The following FOXO3 variants were observed in gnomAD, a reference collection of about 807,000 sequenced individuals.
FOXO3 encodes forkhead box protein O3.
In FOXO3, 4 loss-of-function variants were observed where a neutral mutation model predicts 41.9. The ratio of observed to expected loss-of-function variants is 0.10; its 90% CI spans 0.05 to 0.22. The LOEUF (loss-of-function observed/expected upper bound fraction) is 0.22, where lower values mean the gene tolerates loss of function less well. Among genes scored for constraint, FOXO3 ranks in the 10% least tolerant of loss-of-function variants. The pLI is 1.00. For missense variants in FOXO3, 534 were observed against 906.8 expected (o/e 0.59, Z 5.28); for synonymous variants, 318 against 389.3 (o/e 0.82, Z 2.16).
intron 1 of FOXO3, among the ~76,000 whole-genome samples, chr6:108,660,933 G>A (rs915210301): frequency 7.2e-5 from 11 of 152,122 alleles, no homozygotes; most frequent in Admixed American, 2.0e-4. Context: ...GGTGGCGGGT[G>A]CCTGTAGTCC....
At chr6:108,666,536 G>T (rs1321564072) in intron 2 of FOXO3, among the ~76,000 whole-genome samples, 1 of 151,314 alleles carries the variant, frequency 6.6e-6, no homozygotes, top group East Asian at 1.9e-4. Context: ...GTAGAGATGG[G>T]GTTTCACTGT....
At chr6:108,676,898 G>A (rs2128392544) in intron 2 of FOXO3, among the ~76,000 whole-genome samples, 1 of 152,282 alleles carries the variant, frequency 6.6e-6, no homozygotes, top group East Asian at 1.9e-4. Context: ...GGTGATTCTG[G>A]TGTTCCTCTG....
chr6:108,658,765 A>G (rs973549827), intron 1 of FOXO3, among the ~76,000 whole-genome samples: 2 of 152,174 alleles, frequency 1.3e-5, no homozygotes, highest in African/African-American at 4.8e-5. Context: ...TTTAGAATGA[A>G]TGTGATCATG....
intron 2 of FOXO3, among the ~76,000 whole-genome samples, chr6:108,668,865 G>A (rs531542236): frequency 2.7e-4 from 41 of 152,276 alleles, no homozygotes; most frequent in Non-Finnish European, 4.7e-4. Flanking sequence ...AGTGGCTCAC[G>A]CTTGTAATCC....
chr6:108,624,304 AT>A (rs990893386), intron 1 of FOXO3, among the ~76,000 whole-genome samples: 3 of 151,734 alleles, frequency 2.0e-5, no homozygotes, highest in African/African-American at 7.3e-5. Flanking sequence ...TTAAGGTAGA[AT>A]AATGGTTAAA....
intron 1 of FOXO3, among the ~76,000 whole-genome samples, chr6:108,574,008 C>T (rs532823126): frequency 6.6e-6 from 1 of 152,004 alleles, no homozygotes; most frequent in African/African-American, 2.4e-5. Flanking sequence ...AAAAAATTAG[C>T]TGGGCGTGGT....
intron 2 of FOXO3, among the ~76,000 whole-genome samples, chr6:108,668,308 C>A (rs1351733244): frequency 6.6e-6 from 1 of 152,164 alleles, no homozygotes; most frequent in Non-Finnish European, 1.5e-5. Flanking sequence ...TCATTTTAGA[C>A]CACGTGTAGA....
chr6:108,578,904 C>T (rs1459229167), intron 1 of FOXO3, among the ~76,000 whole-genome samples: 3 of 152,122 alleles, frequency 2.0e-5, no homozygotes, highest in Non-Finnish European at 4.4e-5. Context: ...ACCTCTTGCA[C>T]CACAGGTGGA....
At chr6:108,642,875 C>T (rs1369171569) in intron 1 of FOXO3, among the ~76,000 whole-genome samples, 3 of 152,166 alleles carry the variant, frequency 2.0e-5, no homozygotes, top group African/African-American at 7.2e-5. Context: ...TTAGTGGTTC[C>T]ATAAAGTCCA....
At chr6:108,639,401 A>C (rs1191440946) in intron 1 of FOXO3, 1 of 240,434 alleles carries the variant, frequency 4.2e-6, no homozygotes, top group East Asian at 1.8e-4. Context: ...ATTGTAAATA[A>C]AGTCAGAAGC....
intron 1 of FOXO3, among the ~76,000 whole-genome samples, chr6:108,601,978 A>G (rs1777067163): frequency 1.3e-5 from 2 of 152,222 alleles, no homozygotes; most frequent in African/African-American, 4.8e-5. Flanking sequence ...TTTTATGTGA[A>G]CGTAAATTTT....
chr6:108,649,638 C>T (rs1778493845), intron 1 of FOXO3, among the ~76,000 whole-genome samples: 1 of 150,520 alleles, frequency 6.6e-6, no homozygotes, highest in Admixed American at 6.7e-5. Flanking sequence ...CGTTTGTCTG[C>T]CTCTGCCTCC....
chr6:108,649,704 A>T (rs577407200), intron 1 of FOXO3, among the ~76,000 whole-genome samples: 1 of 151,554 alleles, frequency 6.6e-6, no homozygotes, highest in South Asian at 2.1e-4. Flanking sequence ...TTCCCTTTCT[A>T]TCCACAAATT....
intron 1 of FOXO3, among the ~76,000 whole-genome samples, chr6:108,593,381 A>G (rs1776782970): frequency 1.3e-5 from 2 of 151,608 alleles, no homozygotes; most frequent in African/African-American, 4.8e-5. Context: ...TTTGCTGTGT[A>G]TTTCTTTTTT....
intron 1 of FOXO3, among the ~76,000 whole-genome samples, chr6:108,567,088 A>G (rs908950607): frequency 7.2e-5 from 11 of 152,196 alleles, no homozygotes; most frequent in African/African-American, 2.4e-4. Flanking sequence ...AAAATAAGCT[A>G]TAGCATATCT....
In FOXO3 at chr6:108,680,751, G is replaced by GAAAAAAAAAAAAAA. The variant is rs34312944; in HGVS notation, c.*960_*973dup. On this transcript the variant is annotated 3_prime_UTR_variant, in exon 3 of 3. Transcript: ENST00000406360. ...GTTTAGTTTTAAGGAGAAAGAAAAG[G>GAAAAAAAAAAAAAA]AAAAAAAAAAAAAACAAAAAAGTCC... 6 of 137,236 alleles carry GAAAAAAAAAAAAAA rather than the reference G, an allele frequency of 4.4e-5. No homozygotes were observed. Among genetic ancestry groups the GAAAAAAAAAAAAAA allele is most frequent in the Non-Finnish European group, 6.2e-5 (4 of 64,004 alleles). The allele number at this position is 137,236 out of a possible 1,614,324, so 8.5% of individuals were successfully genotyped here.
At chr6:108,654,105 A>C (rs1239471879) in intron 1 of FOXO3, among the ~76,000 whole-genome samples, 1 of 151,964 alleles carries the variant, frequency 6.6e-6, no homozygotes, top group Non-Finnish European at 1.5e-5. Context: ...GGGGAGAGGG[A>C]CCTGGGGCTA....
At chr6:108,628,180 T>C (rs1777865829) in intron 1 of FOXO3, among the ~76,000 whole-genome samples, 2 of 152,174 alleles carry the variant, frequency 1.3e-5, no homozygotes, top group South Asian at 4.1e-4. Flanking sequence ...TACTTACCCA[T>C]TGGTGTGAGT....
chr6:108,574,019 G>A (rs1025677885), intron 1 of FOXO3, among the ~76,000 whole-genome samples: 4 of 151,972 alleles, frequency 2.6e-5, no homozygotes, highest in African/African-American at 9.7e-5. Flanking sequence ...TGGGCGTGGT[G>A]GCACATGCCT....
Sources: gnomAD v4.1 joint callset for allele counts (sites outside exome capture counted in the v4.1 genomes callset) on GRCh38, gnomAD v4.1.1 for gene constraint, MANE v1.5 for transcripts, NCBI Gene and HGNC (gene_info 2026-07-23, HGNC 2026-07-21) for gene names.